The following NCAM1 variants were observed in gnomAD, a reference collection of about 807,000 sequenced individuals.
NCAM1 encodes neural cell adhesion molecule 1.
In NCAM1, 14 loss-of-function variants were observed where a neutral mutation model predicts 109.8. The ratio of observed to expected loss-of-function variants is 0.13; its 90% CI spans 0.08 to 0.20. The LOEUF (loss-of-function observed/expected upper bound fraction) is 0.20, where lower values mean the gene tolerates loss of function less well. Among genes scored for constraint, NCAM1 ranks in the 10% least tolerant of loss-of-function variants. The pLI, the probability that NCAM1 is intolerant of heterozygous loss-of-function variation, is 1.00. For synonymous variants in NCAM1, 418 were observed against 442.9 expected (o/e 0.94, Z 0.70); for missense variants, 774 against 1,109.9 (o/e 0.70, Z 4.30).
intron 1 of NCAM1, among the ~76,000 whole-genome samples, chr11:113,050,242 G>A (rs1400118205): frequency 1.3e-5 from 2 of 152,172 alleles, no homozygotes; most frequent in African/African-American, 4.8e-5. Flanking sequence ...ACAGTACATA[G>A]GAGAATGTTG....
intron 17 of NCAM1, among the ~76,000 whole-genome samples, chr11:113,266,752 G>C (rs1946140924): frequency 6.6e-6 from 1 of 152,164 alleles, no homozygotes; most frequent in South Asian, 2.1e-4. Flanking sequence ...AAAATCACAA[G>C]GATCAGTGAT....
In NCAM1 at chr11:113,231,885, AC is replaced by A. The variant is rs1945019345; in HGVS notation, c.1240+93del. The A allele has an allele frequency of 2.0e-6, 3 of 1,515,030 alleles. No homozygotes were observed. In the South Asian group the frequency reaches 3.6e-5, roughly 18 times the overall value. The allele number at this position is 1,515,030 out of a possible 1,614,324, so 93.8% of individuals were successfully genotyped here. ...AAAACATCAGCAAGGACCTATGTGCACCCTGTGTGTTCTGCTTACGTTCCCT... is the reference window on the plus strand; with the variant it reads ...AAAACATCAGCAAGGACCTATGTGCACCTGTGTGTTCTGCTTACGTTCCCT... On this transcript the variant is annotated intron_variant, in intron 10 of 19. Transcript: ENST00000316851.
intron 16 of NCAM1, 34 bp from the exon 17 acceptor site, chr11:113,260,112 C>A: frequency 6.4e-7 from 1 of 1,563,982 alleles, no homozygotes; most frequent in Non-Finnish European, 8.6e-7. Context: ...CTTTTTTGGT[C>A]TCTTGTATCC....
At chr11:113,257,863 T>C (rs540898831) in intron 16 of NCAM1, among the ~76,000 whole-genome samples, 50 of 152,338 alleles carry the variant, frequency 3.3e-4, no homozygotes, top group Non-Finnish European at 5.9e-4. Flanking sequence ...TGGGGCCACA[T>C]AGTGATATAT....
At chr11:113,070,663 A>G (rs1324041175) in intron 1 of NCAM1, among the ~76,000 whole-genome samples, 1 of 152,172 alleles carries the variant, frequency 6.6e-6, no homozygotes, top group Non-Finnish European at 1.5e-5. Context: ...GAGGAATCAT[A>G]AAAAGGATTG....
chr11:113,017,150 G>A (rs1309812392), intron 1 of NCAM1, among the ~76,000 whole-genome samples: 2 of 152,178 alleles, frequency 1.3e-5, no homozygotes, highest in African/African-American at 4.8e-5. Flanking sequence ...TGAGGTAGAA[G>A]AAACTGCTCC....
At chr11:113,065,289 A>G (rs1937896066) in intron 1 of NCAM1, among the ~76,000 whole-genome samples, 1 of 152,216 alleles carries the variant, frequency 6.6e-6, no homozygotes, top group Non-Finnish European at 1.5e-5. Context: ...TTTATTCAGG[A>G]GAAGAGACAA....
chr11:113,041,465 C>T (rs782764534), intron 1 of NCAM1, among the ~76,000 whole-genome samples: 3 of 151,032 alleles, frequency 2.0e-5, no homozygotes, highest in Non-Finnish European at 4.4e-5. Flanking sequence ...CCTTGGGTAG[C>T]ATGCTGGTAT....
intron 1 of NCAM1, among the ~76,000 whole-genome samples, chr11:112,970,628 T>C (rs1950853531): frequency 6.6e-6 from 1 of 152,162 alleles, no homozygotes; most frequent in African/African-American, 2.4e-5. Context: ...CGCAATCGAA[T>C]ATAAGAACAA....
At position 113,235,279 on chromosome 11, in the gene NCAM1, A is replaced by G; in HGVS notation, c.1825+115A>G. 4 of 1,599,016 alleles carry G rather than the reference A, an allele frequency of 2.5e-6. No homozygotes were observed. In the African/African-American group the frequency reaches 4.0e-5, roughly 16 times the overall value. ...CAGACCACAGCTTTTTGTCTTTCAG[A>G]TCCCTCTGCTCCTGGAGGCCCCACC... On this transcript the variant is annotated intron_variant, in intron 14 of 19. Transcript: ENST00000316851.
rs115550022 is a variant in NCAM1, at chr11:113,164,289, C to T, written c.53-38090C>T. 8.1e-3 allele frequency among the ~76,000 whole-genome samples: 1,227 copies of T among 152,310 alleles called. 19 individuals are homozygous for T. Among genetic ancestry groups the T allele is most frequent in the African/African-American group, 0.028 (1,181 of 41,564 alleles). ...CATACTCACTTCTAATACTTCACTTCTGACATGAGATGTTGGGGCAGGGGC... is the reference window on the plus strand; with the variant it reads ...CATACTCACTTCTAATACTTCACTTTTGACATGAGATGTTGGGGCAGGGGC... On this transcript the variant is annotated intron_variant, in intron 1 of 19. Transcript: ENST00000316851.
At chr11:113,167,812 A>G (rs1555105515) in intron 1 of NCAM1, among the ~76,000 whole-genome samples, 1 of 152,174 alleles carries the variant, frequency 6.6e-6, no homozygotes, top group African/African-American at 2.4e-5. Context: ...CTTTTCTAGA[A>G]TGGATCCAGT....
At chr11:113,184,327 G>T (rs1235265344) in intron 1 of NCAM1, among the ~76,000 whole-genome samples, 1 of 152,156 alleles carries the variant, frequency 6.6e-6, no homozygotes, top group Admixed American at 6.6e-5. Flanking sequence ...ACCTGTAGAG[G>T]TTTAAAATTC....
intron 3 of NCAM1, 65 bp from the exon 4 acceptor site, chr11:113,205,458 C>T (rs1944208646): frequency 2.6e-6 from 4 of 1,550,888 alleles, no homozygotes; most frequent in Non-Finnish European, 3.5e-6. Context: ...TACCATGGCT[C>T]TAGTGAAAGG....
chr11:113,038,363 T>A (rs1403004595), intron 1 of NCAM1, among the ~76,000 whole-genome samples: 1 of 152,078 alleles, frequency 6.6e-6, no homozygotes, highest in Non-Finnish European at 1.5e-5. Context: ...CCAAGGAAAA[T>A]TTCCTGATTA....
intron 1 of NCAM1, among the ~76,000 whole-genome samples, chr11:113,184,594 T>A (rs1943436450): frequency 1.3e-5 from 2 of 152,222 alleles, no homozygotes; most frequent in African/African-American, 4.8e-5. Flanking sequence ...ACCTTTCTTT[T>A]TCTTATGCTT....
At chr11:113,043,932 T>C (rs1953169914) in intron 1 of NCAM1, among the ~76,000 whole-genome samples, 1 of 150,930 alleles carries the variant, frequency 6.6e-6, no homozygotes, top group Non-Finnish European at 1.5e-5. Flanking sequence ...CTAGATGTTT[T>C]TGAGTAGTTT....
intron 17 of NCAM1, among the ~76,000 whole-genome samples, chr11:113,265,742 A>T (rs1555124321): frequency 6.6e-6 from 1 of 152,202 alleles, no homozygotes. Flanking sequence ...CCAGCTCAAC[A>T]GTTCCAAGAG....
chr11:113,144,388 T>C (rs1434030277), intron 1 of NCAM1, among the ~76,000 whole-genome samples: 2 of 152,256 alleles, frequency 1.3e-5, no homozygotes, highest in South Asian at 4.1e-4. Context: ...TTGTTCTACT[T>C]CTTAAAGATT....
Sources: gnomAD v4.1 joint callset for allele counts (sites outside exome capture counted in the v4.1 genomes callset) on GRCh38, gnomAD v4.1.1 for gene constraint, MANE v1.5 for transcripts, NCBI Gene and HGNC (gene_info 2026-07-23, HGNC 2026-07-21) for gene names.